RASAL2: variants seen among roughly 807,000 people sequenced by gnomAD.
The protein encoded by RASAL2 is ras GTPase-activating protein nGAP.
In RASAL2, 58 loss-of-function variants were observed where a neutral mutation model predicts 128.9. The ratio of observed to expected loss-of-function variants is 0.45; its 90% CI spans 0.36 to 0.56. The LOEUF (loss-of-function observed/expected upper bound fraction) is 0.56. RASAL2 is among the 20% of genes least tolerant of loss of function. The pLI is 0.00. For synonymous variants in RASAL2, 561 were observed against 580.8 expected, an observed-to-expected ratio of 0.97 and a Z score of 0.49; for missense variants, 1,360 against 1,601.6, an observed-to-expected ratio of 0.85 and a Z score of 2.57.
intron 17 of RASAL2, among the ~76,000 whole-genome samples, chr1:178,471,179 T>G (rs971040306): frequency 4.6e-5 from 7 of 152,184 alleles, no homozygotes; most frequent in African/African-American, 7.2e-5. Flanking sequence ...TTATGAGGCC[T>G]TATAATTTAT....
At chr1:178,342,817 T>C (rs1239024184) in intron 3 of RASAL2, among the ~76,000 whole-genome samples, 1 of 152,220 alleles carries the variant, frequency 6.6e-6, no homozygotes, top group Non-Finnish European at 1.5e-5. Context: ...GTTGCTTCCT[T>C]ATCCAAGGTC....
At chr1:178,470,734 C>CCCGCGT (rs1373228167) in intron 17 of RASAL2, 1 of 1,365,162 alleles carries the variant, frequency 7.3e-7, no homozygotes, top group Non-Finnish European at 9.8e-7. Flanking sequence ...GCAAGTAAAC[C>CCCGCGT]CCGCGTCCGT....
chr1:178,313,649 C>A (rs1485712945), intron 3 of RASAL2, among the ~76,000 whole-genome samples: 1 of 152,256 alleles, frequency 6.6e-6, no homozygotes, highest in East Asian at 1.9e-4. Flanking sequence ...CACCACCACA[C>A]CCAGCTAATT....
intron 1 of RASAL2, among the ~76,000 whole-genome samples, chr1:178,098,095 G>A (rs1323433933): frequency 6.6e-6 from 1 of 152,120 alleles, no homozygotes; most frequent in African/African-American, 2.4e-5. Flanking sequence ...AGTATTATAA[G>A]TTGTGCCCAT....
rs560740726 is a variant in RASAL2 at position 178,228,932 on chromosome 1, CAAA to C, written c.203-54631_203-54629del. ...ATTATAAAAATCTATATTATAGACTCAAAGGAAGAGGTTGTAAAATTTAAAAAT... is the reference window on the plus strand; with the variant it reads ...ATTATAAAAATCTATATTATAGACTCGGAAGAGGTTGTAAAATTTAAAAAT... On this transcript the variant is annotated intron_variant, in intron 1 of 17. Transcript: ENST00000367649. Among the ~76,000 whole-genome samples, 358 of 152,182 alleles carry C rather than the reference CAAA, an allele frequency of 2.4e-3. 1 individual carries two copies. Among genetic ancestry groups the C allele is most frequent in the African/African-American group, 8.4e-3 (347 of 41,514 alleles).
intron 3 of RASAL2, among the ~76,000 whole-genome samples, chr1:178,317,921 T>C (rs1668566192): frequency 6.6e-6 from 1 of 151,946 alleles, no homozygotes; most frequent in African/African-American, 2.4e-5. Context: ...CTTTCTCTTG[T>C]GGGCATTTAT....
intron 5 of RASAL2, among the ~76,000 whole-genome samples, chr1:178,422,578 C>A (rs183390012): frequency 1.4e-3 from 207 of 152,132 alleles, no homozygotes; most frequent in African/African-American, 4.8e-3. Context: ...CTCTTGCCTT[C>A]AGATCATATG....
intron 1 of RASAL2, among the ~76,000 whole-genome samples, chr1:178,208,825 C>T (rs143561788): frequency 0.052 from 7,955 of 152,138 alleles, 215 homozygotes; most frequent in African/African-American, 0.072. Flanking sequence ...ACTGTCCTAC[C>T]GATATGTGAT....
chr1:178,122,250 T>G (rs1052342297), intron 1 of RASAL2, among the ~76,000 whole-genome samples: 4 of 152,208 alleles, frequency 2.6e-5, no homozygotes, highest in Non-Finnish European at 5.9e-5. Flanking sequence ...TCAGTGTGCT[T>G]TATCACCGAT....
intron 1 of RASAL2, among the ~76,000 whole-genome samples, chr1:178,148,986 C>T (rs1162683331): frequency 6.6e-6 from 1 of 152,160 alleles, no homozygotes; most frequent in Admixed American, 6.5e-5. Flanking sequence ...CTCATTCTCT[C>T]TCTTTCTTCC....
chr1:178,344,093 A>G (rs945751601), intron 3 of RASAL2, among the ~76,000 whole-genome samples: 5 of 152,088 alleles, frequency 3.3e-5, no homozygotes, highest in Non-Finnish European at 7.4e-5. Context: ...AGGCAGACCT[A>G]TTTTCACTAT....
At chr1:178,399,184 T>C (rs999018183) in intron 4 of RASAL2, among the ~76,000 whole-genome samples, 1 of 152,162 alleles carries the variant, frequency 6.6e-6, no homozygotes, top group African/African-American at 2.4e-5. Flanking sequence ...TCCCTCTCTC[T>C]TCACCCAGCC....
intron 1 of RASAL2, among the ~76,000 whole-genome samples, chr1:178,166,938 T>TTAATTTTAAAA (rs1661536839): frequency 6.6e-6 from 1 of 152,108 alleles, no homozygotes; most frequent in Non-Finnish European, 1.5e-5. Context: ...AAAAATCAAT[T>TTAATTTTAAAA]ATTAGGAGTC....
At chr1:178,239,498 G>A (rs1402070689) in intron 1 of RASAL2, among the ~76,000 whole-genome samples, 1 of 152,040 alleles carries the variant, frequency 6.6e-6, no homozygotes, top group African/African-American at 2.4e-5. Context: ...CACAATATGT[G>A]TAAAATAATG....
chr1:178,434,136 A>G (rs1676104744), intron 5 of RASAL2, among the ~76,000 whole-genome samples: 1 of 152,050 alleles, frequency 6.6e-6, no homozygotes, highest in Admixed American at 6.6e-5. Flanking sequence ...TTAAAATTCA[A>G]TGTAGTTGTG....
intron 3 of RASAL2, among the ~76,000 whole-genome samples, chr1:178,319,302 A>G (rs373353570): frequency 2.6e-5 from 4 of 151,830 alleles, no homozygotes; most frequent in Admixed American, 2.0e-4. Flanking sequence ...GAGTATCTTT[A>G]TGGCGTTCTC....
At chr1:178,213,825 T>C (rs1663335896) in intron 1 of RASAL2, among the ~76,000 whole-genome samples, 1 of 151,574 alleles carries the variant, frequency 6.6e-6, no homozygotes, top group Non-Finnish European at 1.5e-5. Flanking sequence ...TGAGCTGAAT[T>C]GAGTGGTGAA....
chr1:178,417,885 A>G (rs542140252), intron 4 of RASAL2, among the ~76,000 whole-genome samples: 3 of 152,128 alleles, frequency 2.0e-5, no homozygotes, highest in African/African-American at 7.2e-5. Flanking sequence ...AAATATATGT[A>G]TGATTTTTGG....
chr1:178,156,668 T>A (rs1185854765), intron 1 of RASAL2, among the ~76,000 whole-genome samples: 2 of 152,210 alleles, frequency 1.3e-5, no homozygotes, highest in Non-Finnish European at 2.9e-5. Context: ...GATTTTTAGA[T>A]GGCAGACATT....
Sources: gnomAD v4.1 joint callset for allele counts (sites outside exome capture counted in the v4.1 genomes callset) on GRCh38, gnomAD v4.1.1 for gene constraint, MANE v1.5 for transcripts, NCBI Gene and HGNC (gene_info 2026-07-23, HGNC 2026-07-21) for gene names.